Variants in MTUS2 observed in about 807,000 individuals in gnomAD.
MTUS2 encodes the protein microtubule-associated tumor suppressor candidate 2.
In MTUS2, 40 loss-of-function variants were observed where a neutral mutation model predicts 114.1. That is an observed-to-expected ratio of 0.35 (90% CI 0.27 to 0.46). MTUS2 has a LOEUF of 0.46. Among genes scored for constraint, MTUS2 ranks in the 20% least tolerant of loss-of-function variants. The probability of loss-of-function intolerance (pLI) is 1.00; values close to 1 mark genes in which losing one functional copy is unlikely to be tolerated. For missense variants in MTUS2, 1,679 were observed against 1,705.4 expected (o/e 0.98, Z 0.27); for synonymous variants, 688 against 672.0 (o/e 1.02, Z -0.37).
intron 2 of MTUS2, among the ~76,000 whole-genome samples, chr13:29,010,631 C>A (rs907890355): frequency 6.6e-5 from 10 of 151,862 alleles, no homozygotes; most frequent in African/African-American, 2.4e-4. Flanking sequence ...GAAGTTCTGT[C>A]CCCCTGCTGT....
chr13:29,238,676 GTGGATC>G (rs1896623213), intron 5 of MTUS2, among the ~76,000 whole-genome samples: 1 of 152,154 alleles, frequency 6.6e-6, no homozygotes, highest in Non-Finnish European at 1.5e-5. Flanking sequence ...CAGATTAAGG[GTGGATC>G]TGCCTCTCCT....
intron 5 of MTUS2, among the ~76,000 whole-genome samples, chr13:29,188,790 C>A (rs1029660246): frequency 2.0e-5 from 3 of 152,186 alleles, no homozygotes; most frequent in African/African-American, 7.2e-5. Flanking sequence ...GAGTAGTAGC[C>A]ACCCCTCTGC....
upstream of MTUS2, among the ~76,000 whole-genome samples, chr13:28,820,191 C>G (rs1472904822): frequency 6.8e-6 from 1 of 146,402 alleles, no homozygotes; most frequent in East Asian, 2.0e-4. Flanking sequence ...CGCGGCGGAG[C>G]CGGGAGCGCC....
At chr13:29,424,204 G>T (rs1876336921) in intron 8 of MTUS2, among the ~76,000 whole-genome samples, 1 of 152,034 alleles carries the variant, frequency 6.6e-6, no homozygotes, top group Non-Finnish European at 1.5e-5. Flanking sequence ...ATAGCTAGAA[G>T]ATAAGATTTA....
chr13:29,230,735 G>A (rs1896290667), intron 5 of MTUS2, among the ~76,000 whole-genome samples: 1 of 152,198 alleles, frequency 6.6e-6, no homozygotes, highest in Non-Finnish European at 1.5e-5. Flanking sequence ...CAGGACTAGA[G>A]TGCAGGCCTT....
At chr13:28,918,998 T>C (rs1282259700) in intron 2 of MTUS2, among the ~76,000 whole-genome samples, 1 of 152,108 alleles carries the variant, frequency 6.6e-6, no homozygotes, top group Non-Finnish European at 1.5e-5. Flanking sequence ...ATTTTTAAAC[T>C]TTTTGTTGTT....
chr13:29,026,176 G>C lies in MTUS2; in HGVS notation c.1478G>C (p.Arg493Pro). 1 of 1,613,952 alleles carries C rather than the reference G, an allele frequency of 6.2e-7. No homozygotes were observed. Among genetic ancestry groups the C allele is most frequent in the Non-Finnish European group, 8.5e-7 (1 of 1,179,884 alleles). ...GAGCCCCTGGACCCTCAAAGTGGCC[G>C]CTCAGAAGCACGGGAAAGCAAAGAG... The part of the protein sequence containing the change: ...VPEPLDPQSG[R>P]SEARESKEVT... The change falls in exon 3 of 16, where the codon CGC becomes CCC. Residue 493 changes from arginine (R) to proline (P), a missense_variant. Physicochemically the swap from Arg to Pro is moderately radical, Grantham distance 103. Around this residue, in one of 3 missense-constraint regions of MTUS2, gnomAD observed 843 missense variants for 770.8 expected, o/e 1.09. Transcript: ENST00000612955.
chr13:29,445,518 T>C (rs57762277), intron 9 of MTUS2, among the ~76,000 whole-genome samples: 22,437 of 152,078 alleles, frequency 0.15, 3,223 homozygotes, highest in African/African-American at 0.38. Flanking sequence ...TGGCAGGGGG[T>C]GAGGTGGGGA....
At chr13:29,433,100 T>A (rs1877130033) in intron 8 of MTUS2, among the ~76,000 whole-genome samples, 1 of 152,192 alleles carries the variant, frequency 6.6e-6, no homozygotes, top group Non-Finnish European at 1.5e-5. Flanking sequence ...GGATCAGCAT[T>A]TCTTCTCCTT....
chr13:29,359,496 T>A (rs1422627882), intron 8 of MTUS2, 23 bp downstream of exon 8: 1 of 1,594,098 alleles, frequency 6.3e-7, no homozygotes, highest in African/African-American at 1.3e-5. Flanking sequence ...TTCGTGAAGG[T>A]CCAAGGGCAT....
At chr13:29,016,418 T>TAAA (rs1886070008) in intron 2 of MTUS2, among the ~76,000 whole-genome samples, 1 of 152,048 alleles carries the variant, frequency 6.6e-6, no homozygotes, top group Non-Finnish European at 1.5e-5. Context: ...AAACTTCTTT[T>TAAA]GGAGAAATAT....
intron 8 of MTUS2, among the ~76,000 whole-genome samples, chr13:29,364,128 A>G (rs1411060570): frequency 6.6e-6 from 1 of 152,204 alleles, no homozygotes; most frequent in African/African-American, 2.4e-5. Flanking sequence ...GAAACGCACA[A>G]TTGCAAAACA....
intron 6 of MTUS2, among the ~76,000 whole-genome samples, chr13:29,288,443 G>A (rs1898578486): frequency 6.6e-6 from 1 of 152,180 alleles, no homozygotes; most frequent in African/African-American, 2.4e-5. Context: ...AAAGGGGAAG[G>A]GAAGGAGAAT....
intron 5 of MTUS2, among the ~76,000 whole-genome samples, chr13:29,261,557 G>GA (rs998425476): frequency 1.3e-5 from 2 of 152,158 alleles, no homozygotes; most frequent in African/African-American, 2.4e-5. Flanking sequence ...TTTTAGAACA[G>GA]AAAAAATCCA....
At chr13:29,430,343 T>A (rs1424492983) in intron 8 of MTUS2, among the ~76,000 whole-genome samples, 1 of 152,184 alleles carries the variant, frequency 6.6e-6, no homozygotes, top group Non-Finnish European at 1.5e-5. Context: ...TTTCCCTATT[T>A]TGTTTTAAAT....
At chr13:29,304,231 A>C (rs1899334961) in intron 6 of MTUS2, among the ~76,000 whole-genome samples, 1 of 152,210 alleles carries the variant, frequency 6.6e-6, no homozygotes, top group Admixed American at 6.6e-5. Flanking sequence ...CACATTAAAA[A>C]AAGTTTGAAA....
chr13:28,939,990 C>T (rs34390969), intron 2 of MTUS2, among the ~76,000 whole-genome samples: 14,150 of 152,114 alleles, frequency 0.093, 796 homozygotes, highest in South Asian at 0.18. Flanking sequence ...ATGAGACTTA[C>T]TCACTATCAT....
At chr13:29,255,670 ACTCCTAT>A (rs929161423) in intron 5 of MTUS2, among the ~76,000 whole-genome samples, 17 of 142,502 alleles carry the variant, frequency 1.2e-4, no homozygotes, top group Non-Finnish European at 2.6e-4. Flanking sequence ...TCGACTCACA[ACTCCTAT>A]CTATGAGGCT....
intron 5 of MTUS2, among the ~76,000 whole-genome samples, chr13:29,265,359 C>A (rs750735315): frequency 6.6e-6 from 1 of 152,200 alleles, no homozygotes; most frequent in Non-Finnish European, 1.5e-5. Flanking sequence ...GCTATTTCAA[C>A]GGTCTCTAAG....
Sources: allele counts gnomAD v4.1 joint callset (sites outside exome capture counted in the v4.1 genomes callset), GRCh38; gene constraint gnomAD v4.1.1; regional missense constraint gnomAD v4.1.1; transcripts MANE v1.5; gene names NCBI Gene and HGNC (gene_info 2026-07-23, HGNC 2026-07-21).